Variants in TTC34 observed in about 807,000 individuals in gnomAD.
TTC34 encodes the protein tetratricopeptide repeat domain 34.
In TTC34, 44 loss-of-function variants were observed where a neutral mutation model predicts 40.7. The observed-to-expected ratio is 1.08, with a 90% confidence interval of 0.85 to 1.39. TTC34 has a LOEUF of 1.39. Ranked by LOEUF, TTC34 falls within the 40% of genes most tolerant of loss-of-function variation. TTC34 has a pLI of 0.00. For synonymous variants in TTC34, 422 were observed against 398.6 expected, an observed-to-expected ratio of 1.06 and a Z score of -0.70; for missense variants, 884 against 838.0, an observed-to-expected ratio of 1.05 and a Z score of -0.68.
chr1:2,700,357 G>T (rs993091897), intron 6 of TTC34, among the ~76,000 whole-genome samples: 3 of 116,962 alleles, frequency 2.6e-5, no homozygotes, highest in African/African-American at 8.2e-5. Context: ...CCGACAGCCT[G>T]GAGCAGCGCC....
intron 6 of TTC34, among the ~76,000 whole-genome samples, chr1:2,688,446 A>T (rs1438700225): frequency 2.4e-5 from 3 of 122,746 alleles, no homozygotes; most frequent in Admixed American, 8.2e-5. Flanking sequence ...AGCAGGACCC[A>T]CACCCCTAGG....
intron 6 of TTC34, among the ~76,000 whole-genome samples, chr1:2,647,172 T>G (rs1342828333): frequency 3.3e-5 from 5 of 152,176 alleles, no homozygotes; most frequent in Non-Finnish European, 5.9e-5. Context: ...TTGTTGAGCT[T>G]CTTGGGAATT....
intron 6 of TTC34, among the ~76,000 whole-genome samples, chr1:2,692,469 G>A (rs1226273069): frequency 1.4e-5 from 2 of 141,106 alleles, no homozygotes; most frequent in African/African-American, 5.5e-5. Flanking sequence ...CACACCCCCA[G>A]GTGAGCATCT....
intron 6 of TTC34, among the ~76,000 whole-genome samples, chr1:2,757,499 C>T (rs1641544890): frequency 1.7e-4 from 13 of 74,810 alleles, no homozygotes; most frequent in African/African-American, 3.9e-4. Context: ...CAGCCTGGAT[C>T]AGCACCCACA....
At chr1:2,760,067 G>T (rs1641645587) in intron 6 of TTC34, among the ~76,000 whole-genome samples, 1 of 97,000 alleles carries the variant, frequency 1.0e-5, no homozygotes, top group South Asian at 4.4e-4. Flanking sequence ...TGACAGCCTG[G>T]AGCAGTGCCC....
At chr1:2,751,807 ATC>A (rs1641329681) in intron 6 of TTC34, among the ~76,000 whole-genome samples, 1 of 104,060 alleles carries the variant, frequency 9.6e-6, no homozygotes, top group Non-Finnish European at 1.8e-5. Flanking sequence ...CAGCAGCCAC[ATC>A]CCCAGGTGAG....
intron 6 of TTC34, among the ~76,000 whole-genome samples, chr1:2,749,547 A>C (rs1411965098): frequency 9.8e-5 from 2 of 20,446 alleles, no homozygotes; most frequent in Non-Finnish European, 1.7e-4. Flanking sequence ...TCTGAACGCA[A>C]ATAGCAGCAC....
At chr1:2,647,643 A>T (rs564569071) in intron 6 of TTC34, among the ~76,000 whole-genome samples, 10 of 151,066 alleles carry the variant, frequency 6.6e-5, no homozygotes, top group South Asian at 4.2e-4. Context: ...CTTCTAGAAA[A>T]TTTTTTTTTC....
intron 6 of TTC34, among the ~76,000 whole-genome samples, chr1:2,759,457 A>G (rs1641618824): frequency 1.9e-5 from 2 of 106,744 alleles, no homozygotes; most frequent in Middle Eastern, 4.8e-3. Flanking sequence ...AGCATCTGAC[A>G]GCCTGGAGCA....
chr1:2,687,079 C>G lies in TTC34; in HGVS notation c.2227-41516G>C, dbSNP rs867077153. Among the ~76,000 whole-genome samples the G allele has an allele frequency of 2.8e-5, 4 of 143,844 alleles. No homozygotes were observed. The East Asian group carries it at 6.0e-4, about 21-fold the overall frequency. 94.4% of individuals were successfully genotyped at this position (143,844 alleles called of 152,430 possible). Reference sequence around the variant, plus strand: ...GCATCCGACAGCCTGGAGCAGGACCCACACCCCCAGGTGAACATCCGACAT... The same window carrying G: ...GCATCCGACAGCCTGGAGCAGGACCGACACCCCCAGGTGAACATCCGACAT... On this transcript the variant is annotated intron_variant, in intron 6 of 8. Transcript: ENST00000401095.
intron 6 of TTC34, among the ~76,000 whole-genome samples, chr1:2,646,704 C>A (rs955681100): frequency 6.6e-6 from 1 of 152,182 alleles, no homozygotes; most frequent in Non-Finnish European, 1.5e-5. Flanking sequence ...ATTTAGATAG[C>A]TTTGTTCAAA....
chr1:2,647,806 G>GTTTTGTT (rs961510414), intron 6 of TTC34, among the ~76,000 whole-genome samples: 5 of 152,110 alleles, frequency 3.3e-5, no homozygotes, highest in Non-Finnish European at 5.9e-5. Flanking sequence ...TTGAAACAGA[G>GTTTTGTT]TTTTGTTTTT....
intron 6 of TTC34, among the ~76,000 whole-genome samples, chr1:2,685,442 AG>A (rs1640289111): frequency 2.3e-5 from 2 of 87,866 alleles, no homozygotes; most frequent in Admixed American, 2.4e-4. Context: ...CCCACACTGC[AG>A]GGCGAGCATC....
chr1:2,786,897 A>C (rs1275336527), intron 4 of TTC34, among the ~76,000 whole-genome samples: 3 of 152,206 alleles, frequency 2.0e-5, no homozygotes, highest in African/African-American at 7.2e-5. Context: ...CAAGGAGATC[A>C]GGACCCAAAC....
At chr1:2,752,931 AC>A (rs1641372925) in intron 6 of TTC34, among the ~76,000 whole-genome samples, 1 of 142,248 alleles carries the variant, frequency 7.0e-6, no homozygotes, top group African/African-American at 2.7e-5. Context: ...AACAGCTCCC[AC>A]AACCCCAGGT....
Position 2,691,898 on chromosome 1 carries a change from C to G in TTC34, c.2227-46335G>C, listed in dbSNP as rs929263797. On this transcript the variant is annotated intron_variant, in intron 6 of 8. Transcript: ENST00000401095. ...AGCATCCGACAGCCAGGAGCAGCAA[C>G]CTGCACACCCAGGTGAGCATCTGAC... Among the ~76,000 whole-genome samples the G allele has an allele frequency of 6.0e-5, 4 of 66,900 alleles. 1 individual carries two copies. Among genetic ancestry groups the G allele is most frequent in the African/African-American group, 1.8e-4 (4 of 21,988 alleles). 43.9% of individuals were successfully genotyped at this position (66,900 alleles called of 152,430 possible).
In TTC34 at chr1:2,755,686, T is replaced by A. The variant is rs1289022857; in HGVS notation, c.2226+27923A>T. Among the ~76,000 whole-genome samples the A allele has an allele frequency of 4.3e-4, 36 of 83,608 alleles. 10 individuals carry two copies. The highest frequency in any genetic ancestry group is 2.1e-3 in the African/African-American group (32 of 14,980). The allele number at this position is 83,608 out of a possible 152,430, so 54.9% of individuals were successfully genotyped here. A position where few individuals can be genotyped will look rare whatever the true frequency, so the allele number is the denominator to read the frequency against. On this transcript the variant is annotated intron_variant, in intron 6 of 8. Coordinates refer to ENST00000401095, the Ensembl canonical transcript of TTC34. ...AACCACAGGTGAGCATCTGACATCGTGGAGCAGCACCCCAAACCCACAGGT... is the reference window on the plus strand; with the variant it reads ...AACCACAGGTGAGCATCTGACATCGAGGAGCAGCACCCCAAACCCACAGGT...
At chr1:2,788,337 ATG>A (rs1044425680) in intron 3 of TTC34, among the ~76,000 whole-genome samples, 2 of 150,316 alleles carry the variant, frequency 1.3e-5, no homozygotes, top group African/African-American at 4.9e-5. Context: ...TGTTATGTAC[ATG>A]TGTGTTGTGT....
At chr1:2,672,082 C>G (rs1459494876) in intron 6 of TTC34, among the ~76,000 whole-genome samples, 26 of 145,744 alleles carry the variant, frequency 1.8e-4, no homozygotes, top group Non-Finnish European at 3.3e-4. Context: ...CCCAGGAGAG[C>G]ATCCGGCAGC....
Sources: allele counts gnomAD v4.1 joint callset (sites outside exome capture counted in the v4.1 genomes callset), GRCh38; gene constraint gnomAD v4.1.1; transcripts MANE v1.5; gene names NCBI Gene and HGNC (gene_info 2026-07-23, HGNC 2026-07-21).